DCC: variants seen among roughly 807,000 people sequenced by gnomAD.
The protein encoded by DCC is netrin receptor DCC.
In DCC, 58 loss-of-function variants were observed where a neutral mutation model predicts 172.5. The ratio of observed to expected loss-of-function variants is 0.34; its 90% confidence interval spans 0.27 to 0.42. The LOEUF (loss-of-function observed/expected upper bound fraction) is 0.42, where lower values mean the gene tolerates loss of function less well. DCC is among the 10% of genes least tolerant of loss of function. The pLI is 1.00. For missense variants in DCC, 1,740 were observed against 1,791.0 expected, an observed-to-expected ratio of 0.97 and a Z score of 0.51; for synonymous variants, 709 against 644.5, an observed-to-expected ratio of 1.10 and a Z score of -1.52.
intron 5 of DCC, among the ~76,000 whole-genome samples, chr18:52,932,279 C>T (rs2040317551): frequency 6.6e-6 from 1 of 152,122 alleles, no homozygotes; most frequent in Non-Finnish European, 1.5e-5. Context: ...TTTTCTGTAT[C>T]TGCCCATCCC....
intron 14 of DCC, among the ~76,000 whole-genome samples, chr18:53,333,326 A>C (rs2057552908): frequency 6.6e-6 from 1 of 152,242 alleles, no homozygotes; most frequent in African/African-American, 2.4e-5. Context: ...CAATTGCCTT[A>C]TGTAGTTTGC....
intron 9 of DCC, among the ~76,000 whole-genome samples, chr18:53,189,404 C>A (rs4296323): frequency 0.044 from 6,717 of 151,222 alleles, 190 homozygotes; most frequent in East Asian, 0.11. Flanking sequence ...CATAGCAATG[C>A]CAACACAATT....
chr18:53,406,719 AAG>A (rs1404920341), intron 19 of DCC, among the ~76,000 whole-genome samples: 1 of 114,592 alleles, frequency 8.7e-6, no homozygotes, highest in Non-Finnish European at 2.1e-5. Context: ...AAAAAAAAGA[AAG>A]AAAGAAAAAA....
At position 53,260,902 on chromosome 18, in the gene DCC, G is replaced by C. The variant is rs539416791; in HGVS notation, c.1912-44676G>C. 1.5e-4 allele frequency among the ~76,000 whole-genome samples: 23 copies of C among 152,214 alleles called. No homozygotes were observed. The South Asian group carries it at 4.1e-3, about 27-fold the overall frequency. On this transcript the variant is annotated intron_variant, in intron 12 of 28. Transcript: ENST00000442544. ...TTTACCTACTCAAGCCTCAGCAATC[G>C]TAGGCACCCCTCCCCCAGCCTCGCT...
intron 2 of DCC, among the ~76,000 whole-genome samples, chr18:52,866,153 C>G (rs984307238): frequency 6.6e-6 from 1 of 152,122 alleles, no homozygotes; most frequent in Non-Finnish European, 1.5e-5. Flanking sequence ...ATAAGGAATC[C>G]TTTCCGCACT....
At chr18:53,084,867 C>T (rs1396673679) in intron 7 of DCC, among the ~76,000 whole-genome samples, 1 of 152,188 alleles carries the variant, frequency 6.6e-6, no homozygotes, top group African/African-American at 2.4e-5. Flanking sequence ...TTTGCATCTA[C>T]ATTCTGATCA....
At chr18:53,256,698 C>G (rs549023965) in intron 12 of DCC, among the ~76,000 whole-genome samples, 2 of 152,252 alleles carry the variant, frequency 1.3e-5, no homozygotes, top group Non-Finnish European at 2.9e-5. Flanking sequence ...AATGCGGACT[C>G]TTTTTTGGTT....
At position 53,038,980 on chromosome 18, in the gene DCC, C is replaced by A. The variant is rs2042131691; in HGVS notation, c.986-24325C>A. On this transcript the variant is annotated intron_variant, in intron 5 of 28. Transcript: ENST00000442544. Reference sequence around the variant, plus strand: ...AATTTCTGGAGACACAATTGTGTGTCACCTAATCAGCTGTCACATCAGGGA... The same window carrying A: ...AATTTCTGGAGACACAATTGTGTGTAACCTAATCAGCTGTCACATCAGGGA... Among the ~76,000 whole-genome samples the A allele has an allele frequency of 4.0e-5, 6 of 151,830 alleles. No individual in the cohort carries two copies. The South Asian group carries it at 1.2e-3, about 31-fold the overall frequency.
intron 19 of DCC, among the ~76,000 whole-genome samples, chr18:53,409,366 A>G (rs1057055005): frequency 2.0e-5 from 3 of 152,186 alleles, no homozygotes; most frequent in Non-Finnish European, 4.4e-5. Flanking sequence ...AAAGGAAGAC[A>G]CTTGTTCTTA....
chr18:53,270,414 G>T (rs1186004610), intron 12 of DCC, among the ~76,000 whole-genome samples: 1 of 152,092 alleles, frequency 6.6e-6, no homozygotes, highest in Non-Finnish European at 1.5e-5. Context: ...AGGAAGAATA[G>T]AGTATTCAAA....
chr18:52,497,355 ACACACATATACATATGTGTATATATG>A (rs2030834515), intron 1 of DCC, among the ~76,000 whole-genome samples: 3 of 113,138 alleles, frequency 2.7e-5, no homozygotes, highest in African/African-American at 1.0e-4. Context: ...ATATATATAT[ACACACATATACATATGTGTATATATG>A]TATACACACA....
chr18:53,018,933 A>G (rs2041844144), intron 5 of DCC, among the ~76,000 whole-genome samples: 1 of 152,136 alleles, frequency 6.6e-6, no homozygotes, highest in Non-Finnish European at 1.5e-5. Context: ...TTCTTCATGT[A>G]GTCTCCTACA....
chr18:53,201,844 A>G (rs2055542154), intron 9 of DCC, among the ~76,000 whole-genome samples: 1 of 152,286 alleles, frequency 6.6e-6, no homozygotes, highest in South Asian at 2.1e-4. Context: ...GGAGACACTC[A>G]TAAAGTGTCT....
intron 21 of DCC, among the ~76,000 whole-genome samples, chr18:53,423,858 A>G (rs922684663): frequency 6.6e-6 from 1 of 152,192 alleles, no homozygotes; most frequent in African/African-American, 2.4e-5. Flanking sequence ...GTTTAATAGA[A>G]TCATAACACA....
chr18:53,131,508 A>T (rs531300695), intron 7 of DCC, among the ~76,000 whole-genome samples: 1 of 152,276 alleles, frequency 6.6e-6, no homozygotes, highest in East Asian at 1.9e-4. Flanking sequence ...GGAGGTAACC[A>T]AGGAAGGCTG....
chr18:52,848,962 A>G (rs548643659), intron 2 of DCC, among the ~76,000 whole-genome samples: 1 of 152,364 alleles, frequency 6.6e-6, no homozygotes, highest in South Asian at 2.1e-4. Flanking sequence ...TGTTGCAAAC[A>G]TGAAATAAAA....
chr18:52,400,406 ATTAG>A (rs983295933), intron 1 of DCC, among the ~76,000 whole-genome samples: 1 of 152,024 alleles, frequency 6.6e-6, no homozygotes, highest in Admixed American at 6.6e-5. Context: ...TCATAAATTT[ATTAG>A]TTAGAATGGC....
At chr18:53,038,744 C>T (rs1272057665) in intron 5 of DCC, among the ~76,000 whole-genome samples, 1 of 152,016 alleles carries the variant, frequency 6.6e-6, no homozygotes, top group Admixed American at 6.6e-5. Flanking sequence ...GATATTGAGA[C>T]ACAGGCTTGT....
At chr18:53,483,349 G>C (rs958730605) in intron 25 of DCC, among the ~76,000 whole-genome samples, 1 of 151,750 alleles carries the variant, frequency 6.6e-6, no homozygotes, top group Non-Finnish European at 1.5e-5. Context: ...GAAAAACTAT[G>C]TATCCCCTCA....
Sources: allele counts gnomAD v4.1 joint callset (sites outside exome capture counted in the v4.1 genomes callset), GRCh38; gene constraint gnomAD v4.1.1; transcripts MANE v1.5; gene names NCBI Gene and HGNC (gene_info 2026-07-23, HGNC 2026-07-21).